KCNN2: variants seen among roughly 807,000 people sequenced by gnomAD.
The protein encoded by KCNN2 is potassium calcium-activated channel subfamily N member 2, also known as small conductance calcium-activated potassium channel protein 2.
Under a neutral mutation model 55.5 loss-of-function variants are expected in KCNN2, and 24 were observed. That is an observed-to-expected ratio of 0.43 (90% CI 0.31 to 0.61). The LOEUF (loss-of-function observed/expected upper bound fraction) is 0.61. Among genes scored for constraint, KCNN2 ranks in the 20% least tolerant of loss-of-function variants. The probability of loss-of-function intolerance (pLI) is 0.08; values close to 1 mark genes in which losing one functional copy is unlikely to be tolerated. For missense variants in KCNN2, 754 were observed against 853.6 expected (o/e 0.88, Z 1.45); for synonymous variants, 431 against 336.1 (o/e 1.28, Z -3.09).
chr5:114,404,351 C>T (rs1758873016), intron 2 of KCNN2, 87 bp from the exon 3 acceptor site: 4 of 1,053,260 alleles, frequency 3.8e-6, no homozygotes, highest in Admixed American at 2.2e-5. Context: ...TGCTAAAAGT[C>T]ATCTGTTGTG....
At chr5:114,426,264 A>G (rs938720792) in intron 3 of KCNN2, among the ~76,000 whole-genome samples, 3 of 152,196 alleles carry the variant, frequency 2.0e-5, no homozygotes, top group Admixed American at 6.5e-5. Flanking sequence ...GATTTTGTCA[A>G]ATACTTTTCT....
At chr5:114,467,818 C>T (rs1015745896) in intron 4 of KCNN2, among the ~76,000 whole-genome samples, 1 of 152,184 alleles carries the variant, frequency 6.6e-6, no homozygotes, top group African/African-American at 2.4e-5. Flanking sequence ...TTTTTCTAAA[C>T]TATCAGCACT....
intron 1 of KCNN2, among the ~76,000 whole-genome samples, chr5:114,196,502 G>T (rs1450158541): frequency 6.6e-6 from 1 of 151,800 alleles, no homozygotes; most frequent in East Asian, 1.9e-4. Flanking sequence ...TTTCTTTGTG[G>T]GAAGTTTTAA....
chr5:114,329,990 G>T (rs1756784232), intron 2 of KCNN2, among the ~76,000 whole-genome samples: 2 of 148,756 alleles, frequency 1.3e-5, no homozygotes, highest in South Asian at 4.5e-4. Context: ...TCTAATCTAG[G>T]TTTGCAACAG....
intron 2 of KCNN2, among the ~76,000 whole-genome samples, chr5:114,328,617 G>A (rs565591377): frequency 1.1e-4 from 16 of 152,196 alleles, no homozygotes; most frequent in Non-Finnish European, 2.1e-4. Context: ...GGTATGATCC[G>A]GGAAACCAGC....
intron 1 of KCNN2, among the ~76,000 whole-genome samples, chr5:114,096,095 T>C (rs1751250406): frequency 6.6e-6 from 1 of 152,118 alleles, no homozygotes; most frequent in African/African-American, 2.4e-5. Context: ...TGTAACTTAA[T>C]GTCAGAGAGC....
chr5:114,453,790 T>C (rs1180970230), intron 3 of KCNN2, among the ~76,000 whole-genome samples: 2 of 152,174 alleles, frequency 1.3e-5, no homozygotes, highest in African/African-American at 4.8e-5. Flanking sequence ...TGTATTCCAC[T>C]TTTCCTCTTC....
intron 3 of KCNN2, among the ~76,000 whole-genome samples, chr5:114,434,134 A>G (rs966296117): frequency 2.0e-5 from 3 of 151,862 alleles, no homozygotes; most frequent in Admixed American, 6.6e-5. Flanking sequence ...TGAGCATAAT[A>G]TATGATTTCA....
intron 3 of KCNN2, among the ~76,000 whole-genome samples, chr5:114,411,290 G>C (rs1193945066): frequency 3.3e-5 from 5 of 152,078 alleles, no homozygotes; most frequent in Non-Finnish European, 4.4e-5. Flanking sequence ...CTGAAATGCA[G>C]TTGAAACATA....
chr5:114,190,166 A>G (rs539140973), intron 1 of KCNN2, among the ~76,000 whole-genome samples: 10 of 152,086 alleles, frequency 6.6e-5, no homozygotes, highest in Non-Finnish European at 1.2e-4. Flanking sequence ...ACTTCGACAT[A>G]TCAAGTCAGT....
intron 1 of KCNN2, among the ~76,000 whole-genome samples, chr5:114,117,976 G>A (rs950370288): frequency 6.6e-6 from 1 of 152,146 alleles, no homozygotes; most frequent in Non-Finnish European, 1.5e-5. Context: ...AAGTTCATAA[G>A]GGGCAGAGGC....
At chr5:114,060,185 T>A (rs918688600) in intron 1 of KCNN2, among the ~76,000 whole-genome samples, 2 of 152,240 alleles carry the variant, frequency 1.3e-5, no homozygotes, top group Non-Finnish European at 2.9e-5. Context: ...GGGTTTCCAA[T>A]ACCTCTGCAA....
chr5:114,220,321 A>T (rs1319144972), intron 1 of KCNN2, among the ~76,000 whole-genome samples: 1 of 152,100 alleles, frequency 6.6e-6, no homozygotes, highest in Non-Finnish European at 1.5e-5. Flanking sequence ...AAAAATATTT[A>T]AAAACATATA....
intron 2 of KCNN2, among the ~76,000 whole-genome samples, chr5:114,385,932 AC>A (rs1230057703): frequency 1.3e-5 from 2 of 151,754 alleles, no homozygotes; most frequent in Non-Finnish European, 2.9e-5. Flanking sequence ...TAATCCCAAC[AC>A]TTTGGGAGGC....
chr5:114,131,553 C>A (rs1329701587), intron 1 of KCNN2, among the ~76,000 whole-genome samples: 1 of 152,138 alleles, frequency 6.6e-6, no homozygotes, highest in Non-Finnish European at 1.5e-5. Context: ...TGGATTGATT[C>A]CATGTCTTTG....
chr5:114,451,913 G>T (rs937842618), intron 3 of KCNN2, among the ~76,000 whole-genome samples: 58 of 145,548 alleles, frequency 4.0e-4, no homozygotes, highest in Middle Eastern at 3.7e-3. Flanking sequence ...AAAAAAAAAA[G>T]AATCAAATGG....
intron 3 of KCNN2, among the ~76,000 whole-genome samples, chr5:114,444,716 G>C (rs921881447): frequency 1.3e-5 from 2 of 152,142 alleles, no homozygotes; most frequent in African/African-American, 4.8e-5. Flanking sequence ...GAGGACAGCT[G>C]TGTGCTGTGT....
At chr5:114,169,713 A>G (rs1434078311) in intron 1 of KCNN2, among the ~76,000 whole-genome samples, 3 of 152,076 alleles carry the variant, frequency 2.0e-5, no homozygotes, top group African/African-American at 7.2e-5. Flanking sequence ...AGTGAGGTAG[A>G]AAGAGATGTT....
intron 1 of KCNN2, among the ~76,000 whole-genome samples, chr5:114,153,416 G>T (rs1752565840): frequency 6.6e-6 from 1 of 152,140 alleles, no homozygotes; most frequent in Admixed American, 6.6e-5. Flanking sequence ...ACTGTGAAGG[G>T]CCTTAGAGTT....
Sources: gnomAD v4.1 joint callset for allele counts (sites outside exome capture counted in the v4.1 genomes callset) on GRCh38, gnomAD v4.1.1 for gene constraint, MANE v1.5 for transcripts, NCBI Gene and HGNC (gene_info 2026-07-23, HGNC 2026-07-21) for gene names.